Variants in BMPER observed in about 807,000 individuals in gnomAD.
BMPER encodes BMP binding endothelial regulator.
BMPER carries 45 observed loss-of-function variants against 87.3 expected under a neutral mutation model. That is an observed-to-expected ratio of 0.52 (90% confidence interval 0.41 to 0.66). BMPER has a LOEUF of 0.66. Ranked by LOEUF, BMPER falls within the 30% of genes least tolerant of loss-of-function variation. The probability of loss-of-function intolerance (pLI) is 0.00; values close to 1 mark genes in which losing one functional copy is unlikely to be tolerated. For missense variants in BMPER, 784 were observed against 867.5 expected (o/e 0.90, Z 1.21); for synonymous variants, 326 against 316.2 (o/e 1.03, Z -0.33).
intron 13 of BMPER, among the ~76,000 whole-genome samples, chr7:34,127,031 A>G (rs1790420798): frequency 6.6e-6 from 1 of 152,246 alleles, no homozygotes; most frequent in Non-Finnish European, 1.5e-5. Flanking sequence ...CATGGTAGGC[A>G]AAAGAATAAT....
intron 2 of BMPER, chr7:33,921,872 A>G (rs954570754): frequency 2.3e-5 from 11 of 470,546 alleles, no homozygotes; most frequent in South Asian, 9.3e-5. Context: ...AGACGCAAAC[A>G]ACGCAGAGTT....
At chr7:33,959,640 C>T (rs995328811) in intron 3 of BMPER, among the ~76,000 whole-genome samples, 2 of 152,232 alleles carry the variant, frequency 1.3e-5, no homozygotes, top group African/African-American at 4.8e-5. Flanking sequence ...TAAAAAGTTG[C>T]GGCAAGGATT....
intron 6 of BMPER, among the ~76,000 whole-genome samples, chr7:34,041,282 C>T (rs1422248023): frequency 1.3e-5 from 2 of 152,110 alleles, no homozygotes; most frequent in Admixed American, 6.6e-5. Context: ...TGGAGACTTA[C>T]GTAAAATGAT....
chr7:34,012,587 CT>C (rs1376584680), intron 6 of BMPER, among the ~76,000 whole-genome samples: 3 of 151,846 alleles, frequency 2.0e-5, no homozygotes, highest in Non-Finnish European at 4.4e-5. Context: ...TTCTATACCC[CT>C]TCTTAGAGTG....
At chr7:33,968,184 C>G (rs1266345923) in intron 4 of BMPER, among the ~76,000 whole-genome samples, 1 of 152,140 alleles carries the variant, frequency 6.6e-6, no homozygotes, top group Non-Finnish European at 1.5e-5. Flanking sequence ...ATGTTACCTA[C>G]CCAAGAGGAA....
intron 13 of BMPER, among the ~76,000 whole-genome samples, chr7:34,098,207 C>T (rs1477076219): frequency 6.6e-6 from 1 of 151,862 alleles, no homozygotes; most frequent in Non-Finnish European, 1.5e-5. Flanking sequence ...TATCCAGGAC[C>T]CAGTAAGGGA....
intron 6 of BMPER, among the ~76,000 whole-genome samples, chr7:34,014,247 A>G (rs1786961841): frequency 1.3e-5 from 2 of 151,904 alleles, no homozygotes; most frequent in South Asian, 2.1e-4. Context: ...GGGAAAGGCA[A>G]GTAGAGGAGA....
chr7:34,019,936 G>GT (rs1307577025), intron 6 of BMPER, among the ~76,000 whole-genome samples: 12 of 150,298 alleles, frequency 8.0e-5, no homozygotes, highest in Non-Finnish European at 1.5e-4. Context: ...GTTCTGTAAG[G>GT]TTTTTTTAGA....
chr7:34,013,280 T>C (rs530354401), intron 6 of BMPER, among the ~76,000 whole-genome samples: 28 of 151,848 alleles, frequency 1.8e-4, no homozygotes, highest in Non-Finnish European at 1.3e-4. Flanking sequence ...TGGAACCTGA[T>C]TCTTCTGTCC....
At position 33,966,497 on chromosome 7, in the gene BMPER, A is replaced by G; in HGVS notation, c.338A>G (p.Asn113Ser). 2 of 1,613,772 alleles carry G rather than the reference A, an allele frequency of 1.2e-6. No homozygotes were observed. The highest frequency in any genetic ancestry group is 2.2e-5 in the South Asian group (2 of 91,076). The change falls in exon 4 of 15, where the codon AAT (asparagine) becomes AGT (serine). Residue 113 changes from asparagine to serine, a missense_variant. Asn to Ser is a conservative substitution (Grantham distance 46). Transcript: ENST00000649409. ...TGTCTAGGTTGCACCTATGAAGGAA[A>G]TACCTATAACAGCTCCTTCAAATGG... ...EQCKGCTYEG[N>S]TYNSSFKWQS...
intron 6 of BMPER, among the ~76,000 whole-genome samples, chr7:33,977,730 A>G (rs185617091): frequency 8.4e-4 from 128 of 152,330 alleles, no homozygotes; most frequent in African/African-American, 2.9e-3. Context: ...GTATATCTCT[A>G]TATCTGTAAT....
chr7:34,096,031 G>A (rs1401347156), intron 13 of BMPER, among the ~76,000 whole-genome samples: 1 of 152,120 alleles, frequency 6.6e-6, no homozygotes, highest in African/African-American at 2.4e-5. Context: ...TGACCAAGGT[G>A]TCTCTTTCTC....
intron 6 of BMPER, among the ~76,000 whole-genome samples, chr7:34,001,645 C>T (rs770729414): frequency 2.7e-5 from 4 of 149,830 alleles, no homozygotes; most frequent in South Asian, 2.1e-4. Context: ...TTGGTTTCAT[C>T]GAATTCTGTT....
chr7:33,941,816 C>T (rs551266931), intron 3 of BMPER, among the ~76,000 whole-genome samples: 1 of 152,314 alleles, frequency 6.6e-6, no homozygotes, highest in East Asian at 1.9e-4. Context: ...CAGACCAGTA[C>T]AGGTCCGTGG....
In BMPER at chr7:34,000,411, A is replaced by G. The variant is rs139549017; in HGVS notation, c.576+25627A>G. On this transcript the variant is annotated intron_variant, in intron 6 of 14. Coordinates refer to ENST00000649409, the MANE Select transcript of BMPER (RefSeq NM_001365308.1). ...AGTTGGGGAAATTTGAAGGTTGACT[A>G]TATATTAGATGATAGTACTATATTA... Among the ~76,000 whole-genome samples the G allele has an allele frequency of 3.9e-5, 6 of 152,330 alleles. No homozygotes were observed. The East Asian group carries it at 1.2e-3, about 29-fold the overall frequency.
chr7:34,102,488 T>C (rs1373776686), intron 13 of BMPER, among the ~76,000 whole-genome samples: 1 of 152,202 alleles, frequency 6.6e-6, no homozygotes, highest in East Asian at 1.9e-4. Context: ...AGGTGGGTGA[T>C]GCCGCTGCTG....
chr7:34,112,101 A>C (rs1026861864), intron 13 of BMPER, among the ~76,000 whole-genome samples: 18 of 152,316 alleles, frequency 1.2e-4, no homozygotes, highest in African/African-American at 3.8e-4. Context: ...GAGTTTACAA[A>C]ATTTATGAAA....
At chr7:34,143,938 T>C (rs1790948080) in intron 14 of BMPER, among the ~76,000 whole-genome samples, 2 of 152,172 alleles carry the variant, frequency 1.3e-5, no homozygotes, top group African/African-American at 4.8e-5. Flanking sequence ...CTGGGTACTT[T>C]CATGAGTATA....
At chr7:34,149,650 A>C (rs901794062) in intron 14 of BMPER, among the ~76,000 whole-genome samples, 2 of 151,628 alleles carry the variant, frequency 1.3e-5, no homozygotes, top group African/African-American at 4.8e-5. Context: ...GAGAGAGAGA[A>C]GGTGTCTCCA....
Sources: allele counts gnomAD v4.1 joint callset (sites outside exome capture counted in the v4.1 genomes callset), GRCh38; gene constraint gnomAD v4.1.1; transcripts MANE v1.5; gene names NCBI Gene and HGNC (gene_info 2026-07-23, HGNC 2026-07-21).